The following JAZF1 variants were observed in gnomAD, a reference collection of about 807,000 sequenced individuals.
The protein encoded by JAZF1 is JAZF zinc finger 1.
A neutral mutation model predicts 26.4 loss-of-function variants in JAZF1; 8 were observed. That is an observed-to-expected ratio of 0.30 (90% CI 0.18 to 0.55). The LOEUF is 0.55. JAZF1 is among the 20% of genes least tolerant of loss of function. JAZF1 has a pLI of 0.94. For synonymous variants in JAZF1, 126 were observed against 122.3 expected, an observed-to-expected ratio of 1.03 and a Z score of -0.20; for missense variants, 199 against 322.0, an observed-to-expected ratio of 0.62 and a Z score of 2.92.
At chr7:28,069,896 C>G (rs951939528) in intron 1 of JAZF1, among the ~76,000 whole-genome samples, 3 of 152,150 alleles carry the variant, frequency 2.0e-5, no homozygotes, top group African/African-American at 7.2e-5. Flanking sequence ...CCCGGTCTGT[C>G]GGCCATGAGC....
At chr7:28,044,085 T>C (rs1468929657) in intron 1 of JAZF1, among the ~76,000 whole-genome samples, 4 of 152,204 alleles carry the variant, frequency 2.6e-5, no homozygotes, top group Non-Finnish European at 5.9e-5. Flanking sequence ...TTACTGTAAA[T>C]GTACTAAAAA....
At chr7:28,038,847 G>A (rs1164948151) in intron 1 of JAZF1, among the ~76,000 whole-genome samples, 2 of 152,164 alleles carry the variant, frequency 1.3e-5, no homozygotes, top group African/African-American at 4.8e-5. Context: ...TACATATTCA[G>A]CTTCACTGTC....
chr7:28,104,835 C>A (rs138699044), intron 1 of JAZF1, among the ~76,000 whole-genome samples: 12 of 152,318 alleles, frequency 7.9e-5, no homozygotes, highest in African/African-American at 2.6e-4. Flanking sequence ...AACGTCATCA[C>A]CGAAGAGTGC....
chr7:28,175,019 AG>A (rs1783528577), intron 1 of JAZF1, among the ~76,000 whole-genome samples: 1 of 67,132 alleles, frequency 1.5e-5, no homozygotes, highest in East Asian at 2.0e-4. Flanking sequence ...TTCTCCCCAC[AG>A]GAAGTGTCCT....
intron 3 of JAZF1, among the ~76,000 whole-genome samples, chr7:27,849,704 A>G (rs564855874): frequency 5.7e-5 from 8 of 141,324 alleles, no homozygotes; most frequent in Non-Finnish European, 1.2e-4. Flanking sequence ...CAAAGGAGGT[A>G]AAAATCACTG....
chr7:28,000,622 CTTTTTT>C (rs1190147547), intron 1 of JAZF1, among the ~76,000 whole-genome samples: 1 of 62,072 alleles, frequency 1.6e-5, no homozygotes, highest in African/African-American at 4.1e-5. Flanking sequence ...TTCTTTCTTT[CTTTTTT>C]TTTTTTTTTT....
intron 3 of JAZF1, 41 bp downstream of exon 3, chr7:27,895,179 C>T (rs749056559): frequency 5.8e-5 from 79 of 1,361,964 alleles, no homozygotes; most frequent in Non-Finnish European, 6.7e-5. Flanking sequence ...TCTCTTTCTC[C>T]CCTCTCCTCC....
chr7:27,890,737 G>A (rs143876925), intron 3 of JAZF1, among the ~76,000 whole-genome samples: 2,075 of 150,430 alleles, frequency 0.014, 47 homozygotes, highest in African/African-American at 0.047. Flanking sequence ...CACTCCACAA[G>A]TGCTACTTGC....
intron 1 of JAZF1, among the ~76,000 whole-genome samples, chr7:28,073,065 G>C (rs533035251): frequency 1.3e-5 from 2 of 152,328 alleles, no homozygotes; most frequent in East Asian, 3.9e-4. Context: ...ATCGGTAGGT[G>C]TTAGCAGTGG....
At chr7:27,945,834 G>C (rs1784918060) in intron 2 of JAZF1, among the ~76,000 whole-genome samples, 1 of 152,172 alleles carries the variant, frequency 6.6e-6, no homozygotes, top group East Asian at 1.9e-4. Flanking sequence ...TGACAACCAT[G>C]GCTGCCTTCT....
intron 1 of JAZF1, among the ~76,000 whole-genome samples, chr7:28,052,446 A>G (rs1010223006): frequency 6.6e-6 from 1 of 152,186 alleles, no homozygotes; most frequent in East Asian, 1.9e-4. Flanking sequence ...TTTGGAAGAA[A>G]GCAATCCCTA....
intron 1 of JAZF1, 129 bp from the exon 2 acceptor site, chr7:27,992,110 T>C: frequency 1.4e-6 from 1 of 719,836 alleles, no homozygotes; most frequent in Non-Finnish European, 2.6e-6. Context: ...TAAAGAAAAC[T>C]GAGTCGGCGA....
intron 1 of JAZF1, among the ~76,000 whole-genome samples, chr7:28,161,261 A>T (rs1436397221): frequency 7.6e-6 from 1 of 131,104 alleles, no homozygotes; most frequent in African/African-American, 3.9e-5. Context: ...TTAATCTAAA[A>T]AAAAAAAAAA....
chr7:28,034,962 C>T (rs573633439), intron 1 of JAZF1, among the ~76,000 whole-genome samples: 3 of 151,816 alleles, frequency 2.0e-5, no homozygotes, highest in East Asian at 1.9e-4. Flanking sequence ...GAACTTACAA[C>T]GTGAAGCTAA....
rs150755942 is a variant in JAZF1, at chr7:28,104,999, T to C, written c.115+75464A>G. On this transcript the variant is annotated intron_variant, in intron 1 of 4. Transcript: ENST00000283928. ...GGTGGATTTCTGTGTGACCTCTCAA[T>C]AGACAATAGCTTGGGTTCAGCTCAG... is the stretch of plus-strand genomic sequence containing the variant. Among the ~76,000 whole-genome samples the C allele has an allele frequency of 3.8e-3, 580 of 152,250 alleles. 5 individuals carry two copies. Among genetic ancestry groups the C allele is most frequent in the Non-Finnish European group, 5.1e-3 (344 of 68,010 alleles).
intron 1 of JAZF1, among the ~76,000 whole-genome samples, chr7:28,119,096 A>C (rs1383204827): frequency 1.3e-5 from 2 of 152,138 alleles, no homozygotes; most frequent in African/African-American, 4.8e-5. Flanking sequence ...CTGTGAACCA[A>C]GAGGCAGTGG....
chr7:27,887,357 C>T (rs1200071120), intron 3 of JAZF1, among the ~76,000 whole-genome samples: 1 of 152,050 alleles, frequency 6.6e-6, no homozygotes, highest in Admixed American at 6.6e-5. Flanking sequence ...TGCTGTTGTG[C>T]ACTATAAGGT....
chr7:28,159,070 A>C (rs533501211), intron 1 of JAZF1, among the ~76,000 whole-genome samples: 247 of 152,252 alleles, frequency 1.6e-3, no homozygotes, highest in African/African-American at 5.6e-3. Context: ...GAACAAACAA[A>C]TACATAAAGA....
intron 1 of JAZF1, among the ~76,000 whole-genome samples, chr7:28,110,585 GAA>G (rs1562591078): frequency 9.1e-6 from 1 of 110,408 alleles, no homozygotes; most frequent in East Asian, 9.4e-4. Context: ...AAGGGAAAAG[GAA>G]AAGGAAAAGG....
Sources: gnomAD v4.1 joint callset for allele counts (sites outside exome capture counted in the v4.1 genomes callset) on GRCh38, gnomAD v4.1.1 for gene constraint, MANE v1.5 for transcripts, NCBI Gene and HGNC (gene_info 2026-07-23, HGNC 2026-07-21) for gene names.